The following TRIM44 variants were observed in gnomAD, a reference collection of about 807,000 sequenced individuals.
TRIM44 encodes tripartite motif containing 44.
In TRIM44, 13 loss-of-function variants were observed where a neutral mutation model predicts 37.4. The observed-to-expected ratio is 0.35, with a 90% CI of 0.23 to 0.55. TRIM44 has a LOEUF of 0.55. Among genes scored for constraint, TRIM44 ranks in the 20% least tolerant of loss-of-function variants. The pLI is 0.89. For synonymous variants in TRIM44, 175 were observed against 157.2 expected, an observed-to-expected ratio of 1.11 and a Z score of -0.85; for missense variants, 426 against 437.2, an observed-to-expected ratio of 0.97 and a Z score of 0.23.
At chr11:35,771,680 A>C (rs1226505686) in intron 4 of TRIM44, among the ~76,000 whole-genome samples, 2 of 151,878 alleles carry the variant, frequency 1.3e-5, no homozygotes, top group Non-Finnish European at 2.9e-5. Flanking sequence ...AGCCAAGATC[A>C]TGCCACTGCT....
chr11:35,730,809 G>A (rs1852247031), intron 3 of TRIM44, among the ~76,000 whole-genome samples: 1 of 147,562 alleles, frequency 6.8e-6, no homozygotes, highest in African/African-American at 2.5e-5. Context: ...GCTTATGTTA[G>A]TATATAAAAA....
chr11:35,710,825 A>G (rs1046993931), intron 2 of TRIM44, among the ~76,000 whole-genome samples: 7 of 152,214 alleles, frequency 4.6e-5, no homozygotes, highest in African/African-American at 1.4e-4. Context: ...AATCAGCTCA[A>G]AACAATTCTT....
intron 2 of TRIM44, among the ~76,000 whole-genome samples, chr11:35,696,880 T>A (rs1000181871): frequency 2.6e-5 from 4 of 151,932 alleles, no homozygotes; most frequent in Non-Finnish European, 1.5e-5. Context: ...AATTAATTAA[T>A]TAAATAAAAG....
intron 4 of TRIM44, among the ~76,000 whole-genome samples, chr11:35,802,609 C>T (rs191838266): frequency 5.9e-5 from 9 of 152,276 alleles, no homozygotes; most frequent in African/African-American, 2.2e-4. Context: ...CAAGGGTATC[C>T]ATACCCCAGT....
intron 4 of TRIM44, among the ~76,000 whole-genome samples, chr11:35,796,234 G>A (rs1316572566): frequency 2.0e-5 from 3 of 148,484 alleles, no homozygotes; most frequent in South Asian, 2.2e-4. Flanking sequence ...GTGCGCGCGC[G>A]CACGTGTGTG....
intron 2 of TRIM44, among the ~76,000 whole-genome samples, chr11:35,696,717 C>T (rs879431036): frequency 6.6e-6 from 1 of 151,656 alleles, no homozygotes; most frequent in Admixed American, 6.6e-5. Context: ...CATCATGGTG[C>T]ATGCCTGTAA....
Position 35,756,875 on chromosome 11 carries a change from A to G in TRIM44, c.1007+21430A>G, listed in dbSNP as rs945830856. On this transcript the variant is annotated intron_variant, in intron 4 of 4. Transcript: ENST00000299413. ...TGAAGCCCACTTGATCATGGTGGAT[A>G]AGCTTTTTGATGTGCTGCTGGATTC... 7.2e-5 allele frequency among the ~76,000 whole-genome samples: 11 copies of G among 152,164 alleles called. No individual in the cohort carries two copies. In the East Asian group the frequency reaches 1.9e-3, roughly 27 times the overall value.
intron 4 of TRIM44, among the ~76,000 whole-genome samples, chr11:35,752,798 G>A (rs889617051): frequency 4.6e-5 from 7 of 152,116 alleles, no homozygotes; most frequent in East Asian, 1.9e-4. Context: ...CACATGACTC[G>A]TTCTCTCGCT....
intron 2 of TRIM44, among the ~76,000 whole-genome samples, chr11:35,719,942 C>T (rs1195876595): frequency 6.6e-6 from 1 of 152,184 alleles, no homozygotes; most frequent in Non-Finnish European, 1.5e-5. Flanking sequence ...TTGATTATTA[C>T]AGCTTTATAG....
intron 4 of TRIM44, among the ~76,000 whole-genome samples, chr11:35,758,435 G>T (rs1173400909): frequency 1.3e-5 from 2 of 152,048 alleles, no homozygotes; most frequent in East Asian, 3.9e-4. Context: ...TACACTGATG[G>T]GTCTTGACTC....
chr11:35,806,576 AT>A lies in TRIM44; in HGVS notation c.*192del, dbSNP rs1276340337. On this transcript the variant is annotated 3_prime_UTR_variant, in exon 5 of 5. Transcript: ENST00000299413. ...GTTTTATGCTTACTGTGTGCTTCTC[AT>A]CCCCTGGTTGTGGTAGGTCAAGGAA... 5.0e-6 allele frequency: 3 copies of A among 604,164 alleles called. No individual in the cohort carries two copies. Among genetic ancestry groups the A allele is most frequent in the Non-Finnish European group, 8.8e-6 (3 of 341,100 alleles). 37.4% of individuals were successfully genotyped at this position (604,164 alleles called of 1,614,324 possible). A position where few individuals can be genotyped will look rare whatever the true frequency, so the allele number is the denominator to read the frequency against.
intron 4 of TRIM44, among the ~76,000 whole-genome samples, chr11:35,774,024 C>G (rs1017927483): frequency 6.6e-6 from 1 of 152,182 alleles, no homozygotes; most frequent in Non-Finnish European, 1.5e-5. Flanking sequence ...ATTTCTAGTT[C>G]TAAATCCTTG....
intron 4 of TRIM44, among the ~76,000 whole-genome samples, chr11:35,792,912 A>T (rs973992750): frequency 6.6e-6 from 1 of 152,196 alleles, no homozygotes; most frequent in Non-Finnish European, 1.5e-5. Flanking sequence ...ACCTTGAAAG[A>T]TATTTCTATG....
rs755159029 is a variant in TRIM44, at chr11:35,663,711, G to T, written c.600G>T (p.Leu200=). ...AAGATAGGCAGCTCATCTGTGTCCTGTGTCCAGTCATTGGGGCTCACCAGG... is the reference window on the plus strand; with the variant it reads ...AAGATAGGCAGCTCATCTGTGTCCTTTGTCCAGTCATTGGGGCTCACCAGG... ...CQEDRQLICV[L]CPVIGAHQGH... is the part of the protein sequence containing the mutation. The change falls in exon 1 of 5, where the codon CTG becomes CTT. Residue 200 remains leucine (L), a synonymous_variant. Transcript: ENST00000299413. 2 of 1,614,160 alleles carry T rather than the reference G, an allele frequency of 1.2e-6. No homozygotes were observed. Among genetic ancestry groups the T allele is most frequent in the South Asian group, 2.2e-5 (2 of 91,074 alleles).
At chr11:35,704,924 A>G (rs1325425139) in intron 2 of TRIM44, among the ~76,000 whole-genome samples, 1 of 150,768 alleles carries the variant, frequency 6.6e-6, no homozygotes, top group Non-Finnish European at 1.5e-5. Flanking sequence ...TTAACTTTAA[A>G]TGTAAATGGA....
At chr11:35,680,145 C>G (rs1231544982) in intron 1 of TRIM44, among the ~76,000 whole-genome samples, 1 of 152,092 alleles carries the variant, frequency 6.6e-6, no homozygotes, top group Non-Finnish European at 1.5e-5. Context: ...GGAAAAGGCC[C>G]CAGTATTTAC....
chr11:35,791,127 C>A (rs888813043), intron 4 of TRIM44, among the ~76,000 whole-genome samples: 10 of 152,092 alleles, frequency 6.6e-5, no homozygotes, highest in Non-Finnish European at 1.3e-4. Flanking sequence ...GGAGCCCTAG[C>A]CTCTGCTTGG....
chr11:35,685,122 C>T (rs916751867), intron 1 of TRIM44, 137 bp from the exon 2 acceptor site: 6 of 652,298 alleles, frequency 9.2e-6, no homozygotes, highest in African/African-American at 9.1e-5. Flanking sequence ...AGGGGCAATG[C>T]ACCTCTCCTT....
chr11:35,773,147 C>T (rs904490638), intron 4 of TRIM44, among the ~76,000 whole-genome samples: 1 of 152,170 alleles, frequency 6.6e-6, no homozygotes, highest in Non-Finnish European at 1.5e-5. Context: ...GTAAGAAGTG[C>T]CATTGCCTCC....
Sources: allele counts gnomAD v4.1 joint callset (sites outside exome capture counted in the v4.1 genomes callset), GRCh38; gene constraint gnomAD v4.1.1; transcripts MANE v1.5; gene names NCBI Gene and HGNC (gene_info 2026-07-23, HGNC 2026-07-21).